PGAP2: variants seen among roughly 807,000 people sequenced by gnomAD.
PGAP2 encodes the protein post-GPI attachment to proteins 2.
In PGAP2, 21 loss-of-function variants were observed where a neutral mutation model predicts 33.2. The observed-to-expected ratio is 0.63, with a 90% CI of 0.45 to 0.91. The LOEUF (loss-of-function observed/expected upper bound fraction) is 0.91, where lower values mean the gene tolerates loss of function less well. Among genes scored for constraint, PGAP2 ranks in the 40% least tolerant of loss-of-function variants. The pLI, the probability that PGAP2 is intolerant of heterozygous loss-of-function variation, is 0.00. For missense variants in PGAP2, 345 were observed against 424.0 expected, an observed-to-expected ratio of 0.81 and a Z score of 1.64; for synonymous variants, 161 against 172.9, an observed-to-expected ratio of 0.93 and a Z score of 0.54.
At chr11:3,801,963 T>A (rs2412290) in intron 1 of PGAP2, among the ~76,000 whole-genome samples, 99,450 of 151,472 alleles carry the variant, frequency 0.66, 33,876 homozygotes, top group East Asian at 0.81. Flanking sequence ...AATAAATAAA[T>A]AAATAAATAA....
At position 3,811,555 on chromosome 11, in the gene PGAP2, G is replaced by A; in HGVS notation, c.165+131G>A. The A allele has an allele frequency of 2.4e-6, 2 of 844,666 alleles. No individual in the cohort carries two copies. Among genetic ancestry groups the A allele is most frequent in the Non-Finnish European group, 3.6e-6 (2 of 563,060 alleles). 52.3% of individuals were successfully genotyped at this position (844,666 alleles called of 1,614,324 possible). ...AAACATACGGGGCTGCTGGGGGGAT[G>A]CCTGCAAATTGAAATCTCAAGGGTT... On this transcript the variant is annotated intron_variant, in intron 2 of 6. Transcript: ENST00000278243. This position sits in a 1 kb window ranked among gnomAD's most constrained non-coding sequence, Gnocchi z 4.6.
intron 1 of PGAP2, 26 bp downstream of exon 1, chr11:3,808,677 G>C (rs1329725645): frequency 1.8e-6 from 2 of 1,125,866 alleles, no homozygotes; most frequent in African/African-American, 1.7e-5. Context: ...GATGTGCTGG[G>C]CTGCCGGGCA....
At chr11:3,805,606 T>G (rs1239820208), upstream of PGAP2, among the ~76,000 whole-genome samples, 2 of 146,216 alleles carry the variant, frequency 1.4e-5, no homozygotes, top group East Asian at 4.6e-4. Context: ...CGGTGGCTCA[T>G]GCCTGTAATC....
At chr11:3,824,238 G>A in intron 4 of PGAP2, 32 bp from the exon 5 acceptor site, 1 of 1,613,806 alleles carries the variant, frequency 6.2e-7, no homozygotes, top group Non-Finnish European at 8.5e-7. Context: ...GGCACTCCCT[G>A]CAATGTGGCT....
rs377687400 is a variant in PGAP2 at position 3,811,471 on chromosome 11, C to T, written c.165+47C>T. 6.5e-7 allele frequency: 1 copy of T among 1,540,060 alleles called. No individual in the cohort carries two copies. The highest frequency in any genetic ancestry group is 2.3e-5 in the East Asian group (1 of 43,580). On this transcript the variant is annotated intron_variant, in intron 2 of 6. Transcript: ENST00000278243. This position sits in a 1 kb window ranked among gnomAD's most constrained non-coding sequence, Gnocchi z 4.6. ...ACCTCATATTCAGGCCGATCTGGAT[C>T]TTCTTTAGATCTTGAATATCTTTTA...
At chr11:3,808,268 G>C (rs972958579), upstream of PGAP2, 1 of 1,551,414 alleles carries the variant, frequency 6.4e-7, no homozygotes, top group South Asian at 1.2e-5. Context: ...GGCCCCTGTT[G>C]AATTAATTTT....
rs920270113 is a variant in PGAP2, at chr11:3,825,074, T to G, written c.763T>G (p.Phe255Val). 2.5e-6 allele frequency: 4 copies of G among 1,614,014 alleles called. No individual in the cohort carries two copies. Among genetic ancestry groups the G allele is most frequent in the Non-Finnish European group, 3.4e-6 (4 of 1,180,020 alleles). The change falls in exon 6 of 7, where the codon TTC (phenylalanine) becomes GTC (valine). Residue 255 changes from phenylalanine (F) to valine (V), a missense_variant. Coordinates refer to ENST00000278243, the MANE Select transcript of PGAP2 (RefSeq NM_014489.4). Reference sequence around the variant, plus strand: ...GCTCTTCATCATCAACTTCATCTCCTTCTTCTCGGCGCTGGCTGTCTACTT... The same window carrying G: ...GCTCTTCATCATCAACTTCATCTCCGTCTTCTCGGCGCTGGCTGTCTACTT... ...QRLFIINFIS[F>V]FSALAVYFRH...
chr11:3,797,936 G>A, exon 1 of PGAP2: 2 of 1,548,570 alleles, frequency 1.3e-6, no homozygotes, highest in South Asian at 2.4e-5. Flanking sequence ...CGCGACTCGG[G>A]CTGAGGGAGC....
chr11:3,803,797 A>ATATTT (rs1554916392), upstream of PGAP2, among the ~76,000 whole-genome samples: 2 of 144,762 alleles, frequency 1.4e-5, no homozygotes, highest in African/African-American at 2.6e-5. Flanking sequence ...ATATATATAT[A>ATATTT]TTTTTTTTTT....
chr11:3,805,999 A>G (rs1564980193), upstream of PGAP2, among the ~76,000 whole-genome samples: 1 of 150,744 alleles, frequency 6.6e-6, no homozygotes. Context: ...CCTTGTTTTA[A>G]ATAAATAAAT....
At chr11:3,820,852 A>T (rs1027997610) in intron 3 of PGAP2, among the ~76,000 whole-genome samples, 3 of 152,130 alleles carry the variant, frequency 2.0e-5, no homozygotes, top group African/African-American at 7.2e-5. Context: ...GAGAATTCAT[A>T]AACACCCTGC....
Position 3,824,054 on chromosome 11 carries a change from T to A in PGAP2, c.520T>A (p.Cys174Ser). The change falls in exon 4 of 7, where the codon TGC (cysteine) becomes AGC (serine). Residue 174 changes from cysteine (C) to serine (S), a missense_variant. Transcript: ENST00000278243. The part of the protein sequence containing the change: ...TSPCSCYRPL[C>S]RLNFGLNVVE... Reference sequence around the variant, plus strand: ...CCCGTGTTCCTGCTATCGCCCGCTCTGCCGCCTCAACTTCGGCCTCAATGT... The same window carrying A: ...CCCGTGTTCCTGCTATCGCCCGCTCAGCCGCCTCAACTTCGGCCTCAATGT... 6.2e-7 allele frequency: 1 copy of A among 1,614,198 alleles called. No individual in the cohort carries two copies. Among genetic ancestry groups the A allele is most frequent in the Non-Finnish European group, 8.5e-7 (1 of 1,180,034 alleles).
At position 3,808,619 on chromosome 11, in the gene PGAP2, G is replaced by T. The variant is rs778520876; in HGVS notation, c.-43G>T. The T allele has an allele frequency of 1.0e-4, 136 of 1,318,576 alleles. No homozygotes were observed. The highest frequency in any genetic ancestry group is 1.2e-4 in the Non-Finnish European group (129 of 1,032,842). The allele number at this position is 1,318,576 out of a possible 1,614,324, so 81.7% of individuals were successfully genotyped here. On this transcript the variant is annotated 5_prime_UTR_variant, in exon 1 of 7. Transcript: ENST00000278243. ...CGACCCCGGGCCACCTGGGCCCCCG[G>T]GTTCCGCCGGCACTCTCGCCACCAC...
chr11:3,810,733 T>C (rs1234994000), intron 1 of PGAP2, among the ~76,000 whole-genome samples: 3 of 152,106 alleles, frequency 2.0e-5, no homozygotes, highest in Non-Finnish European at 4.4e-5. Flanking sequence ...TGGACTGCGG[T>C]GCAGGCACAC....
chr11:3,801,558 T>C (rs1184534997), intron 1 of PGAP2, among the ~76,000 whole-genome samples: 1 of 138,444 alleles, frequency 7.2e-6, no homozygotes. Flanking sequence ...AGGAGAATGG[T>C]GTGAACCCAG....
At chr11:3,803,575 C>CG (rs2083828291), upstream of PGAP2, among the ~76,000 whole-genome samples, 5 of 151,414 alleles carry the variant, frequency 3.3e-5, no homozygotes, top group African/African-American at 9.7e-5. Flanking sequence ...TTACAGGCTT[C>CG]CACCACCACA....
intron 2 of PGAP2, among the ~76,000 whole-genome samples, chr11:3,815,682 C>T (rs930114377): frequency 6.6e-6 from 1 of 152,186 alleles, no homozygotes; most frequent in East Asian, 1.9e-4. Context: ...CTCCAGGTGG[C>T]CTGGGCAGTA....
chr11:3,808,534 C>G (rs566046808), upstream of PGAP2: 2 of 1,400,038 alleles, frequency 1.4e-6, no homozygotes, highest in South Asian at 1.6e-5. Flanking sequence ...AAGTTCCGCC[C>G]CGAGAGCGCC....
chr11:3,816,685 G>A (rs1472295037), intron 2 of PGAP2, among the ~76,000 whole-genome samples: 1 of 152,174 alleles, frequency 6.6e-6, no homozygotes, highest in Non-Finnish European at 1.5e-5. Context: ...GGGTACCGCT[G>A]GCCTGAGGCT....
Sources: allele counts gnomAD v4.1 joint callset (sites outside exome capture counted in the v4.1 genomes callset), GRCh38; gene constraint gnomAD v4.1.1; non-coding constraint Gnocchi (gnomAD v3.1); transcripts MANE v1.5; gene names NCBI Gene and HGNC (gene_info 2026-07-23, HGNC 2026-07-21).